USH2A: variants seen among roughly 807,000 people sequenced by gnomAD.
USH2A encodes the protein Usher syndrome 2A (autosomal recessive, mild).
A neutral mutation model predicts 538.9 loss-of-function variants in USH2A; 443 were observed. The observed-to-expected ratio is 0.82, with a 90% confidence interval of 0.76 to 0.89. USH2A has a LOEUF of 0.89. Among genes scored for constraint, USH2A ranks in the 40% least tolerant of loss-of-function variants. The pLI is 0.00. For synonymous variants in USH2A, 2,413 were observed against 2,273.5 expected (o/e 1.06, Z -1.75); for missense variants, 6,633 against 6,324.8 (o/e 1.05, Z -1.65).
chr1:215,658,518 G>C (rs2102651022), intron 64 of USH2A, among the ~76,000 whole-genome samples: 1 of 152,242 alleles, frequency 6.6e-6, no homozygotes, highest in Non-Finnish European at 1.5e-5. Context: ...TTCCAATACA[G>C]ATATGTGACA....
At chr1:216,350,618 C>T (rs529074600) in intron 4 of USH2A, among the ~76,000 whole-genome samples, 195 of 152,262 alleles carry the variant, frequency 1.3e-3, no homozygotes, top group African/African-American at 4.6e-3. Flanking sequence ...TTTGACTCCA[C>T]GTCTCATATC....
chr1:216,286,946 C>T (rs370583398), intron 11 of USH2A, among the ~76,000 whole-genome samples: 24 of 151,942 alleles, frequency 1.6e-4, no homozygotes, highest in African/African-American at 1.9e-4. Context: ...ATTCATTTTA[C>T]GAGAGTATTA....
At chr1:216,026,525 A>T (rs1003424571) in intron 32 of USH2A, among the ~76,000 whole-genome samples, 8 of 152,148 alleles carry the variant, frequency 5.3e-5, no homozygotes, top group African/African-American at 1.9e-4. Context: ...TCTTAGGTCA[A>T]CTACTGTGTC....
chr1:216,419,317 G>A (rs770627410), intron 2 of USH2A, among the ~76,000 whole-genome samples: 5 of 152,082 alleles, frequency 3.3e-5, no homozygotes, highest in Admixed American at 1.3e-4. Context: ...GAGGTGAAAG[G>A]TCCTTCAGCC....
chr1:215,956,035 T>C (rs1478403427), intron 37 of USH2A, among the ~76,000 whole-genome samples: 3 of 152,142 alleles, frequency 2.0e-5, no homozygotes, highest in Non-Finnish European at 4.4e-5. Flanking sequence ...GCTAGATTTT[T>C]TTTCTATTTC....
At chr1:215,680,887 TATATCTTACG>T (rs1423006091) in intron 61 of USH2A, among the ~76,000 whole-genome samples, 2 of 152,072 alleles carry the variant, frequency 1.3e-5, no homozygotes, top group Non-Finnish European at 2.9e-5. Flanking sequence ...GGCATGTATA[TATATCTTACG>T]AATTCAATAA....
intron 3 of USH2A, among the ~76,000 whole-genome samples, chr1:216,408,810 G>GCTAC (rs1188903280): frequency 6.6e-6 from 1 of 152,158 alleles, no homozygotes; most frequent in Non-Finnish European, 1.5e-5. Flanking sequence ...TACTAAGAGA[G>GCTAC]CTACTATGTG....
rs77392635 is a variant in USH2A at position 215,741,613 on chromosome 1, A to T, written c.11549-76T>A. 14 of 1,508,810 alleles carry T rather than the reference A, an allele frequency of 9.3e-6. No homozygotes were observed. The East Asian group carries it at 3.2e-4, about 34-fold the overall frequency. 93.5% of individuals were successfully genotyped at this position (1,508,810 alleles called of 1,614,324 possible). On this transcript the variant is annotated intron_variant, in intron 59 of 71. Coordinates refer to ENST00000307340, the MANE Select transcript of USH2A (RefSeq NM_206933.4). ...AACTACATATTCATACAGAAGGGTAATGATATCATGAAAATTATTTTAACC... is the reference window on the plus strand; with the variant it reads ...AACTACATATTCATACAGAAGGGTATTGATATCATGAAAATTATTTTAACC...
At chr1:215,806,602 T>C (rs1307201235) in intron 49 of USH2A, among the ~76,000 whole-genome samples, 1 of 152,092 alleles carries the variant, frequency 6.6e-6, no homozygotes, top group Non-Finnish European at 1.5e-5. Flanking sequence ...ATTTAATAAC[T>C]TGGTCCATTG....
intron 15 of USH2A, among the ~76,000 whole-genome samples, chr1:216,208,189 C>T (rs929221477): frequency 2.0e-5 from 3 of 151,510 alleles, no homozygotes; most frequent in Admixed American, 6.6e-5. Flanking sequence ...TTTTTTTTCA[C>T]CAGAATACGC....
intron 32 of USH2A, among the ~76,000 whole-genome samples, chr1:216,034,413 G>A (rs1392632792): frequency 6.6e-6 from 1 of 152,146 alleles, no homozygotes; most frequent in African/African-American, 2.4e-5. Flanking sequence ...GTCAATGGAG[G>A]TGTAGTGGAT....
At position 215,820,978 on chromosome 1, in the gene USH2A, T is replaced by C. The variant is rs561714089; in HGVS notation, c.9372-3783A>G. Reference sequence around the variant, plus strand: ...GTGTATATGTACCACATTTTCTTTATCCATTCATTCATGATGGGCACTTAG... The same window carrying C: ...GTGTATATGTACCACATTTTCTTTACCCATTCATTCATGATGGGCACTTAG... On this transcript the variant is annotated intron_variant, in intron 47 of 71. Transcript: ENST00000307340. Among the ~76,000 whole-genome samples, 21 of 151,964 alleles carry C rather than the reference T, an allele frequency of 1.4e-4. 1 individual carries two copies. In the South Asian group the frequency reaches 4.4e-3, roughly 32 times the overall value.
chr1:216,138,104 T>C (rs1195736112), intron 21 of USH2A, among the ~76,000 whole-genome samples: 1 of 152,194 alleles, frequency 6.6e-6, no homozygotes, highest in Non-Finnish European at 1.5e-5. Context: ...TGTATTGGAA[T>C]TAGATTGTTA....
chr1:215,747,347 T>C (rs1349560185), intron 58 of USH2A, among the ~76,000 whole-genome samples: 7 of 152,216 alleles, frequency 4.6e-5, no homozygotes, highest in Admixed American at 4.6e-4. Context: ...AAAATAACTT[T>C]ATTTTTCTCT....
chr1:215,995,962 A>G (rs939208850), intron 34 of USH2A, among the ~76,000 whole-genome samples: 3 of 152,090 alleles, frequency 2.0e-5, no homozygotes, highest in African/African-American at 7.2e-5. Flanking sequence ...CCCAGGCTGG[A>G]GTGCAGTGGC....
chr1:216,200,053 T>C lies in USH2A; in HGVS notation c.3385A>G (p.Asn1129Asp). ...ACACTCCTTGTTGAACCATGCACAT[T>C]GGTGGTCTCAATGTAATAGGAATAT... ...TKYSYYIETTNVHGSTRSVAV... is the reference protein window; with the variant it reads ...TKYSYYIETTDVHGSTRSVAV... Residue 1129 changes from asparagine to aspartate, a missense_variant, in exon 17 of 72, where the codon AAT (asparagine) becomes GAT (aspartate). Coordinates refer to ENST00000307340, the MANE Select transcript of USH2A (RefSeq NM_206933.4). The C allele has an allele frequency of 6.2e-7, 1 of 1,613,818 alleles. No individual in the cohort carries two copies. The highest frequency in any genetic ancestry group is 8.5e-7 in the Non-Finnish European group (1 of 1,179,920).
At chr1:216,009,548 A>C (rs990181105) in intron 32 of USH2A, among the ~76,000 whole-genome samples, 33 of 152,192 alleles carry the variant, frequency 2.2e-4, no homozygotes, top group Non-Finnish European at 5.9e-5. Context: ...CTCTGTGCCC[A>C]GTGCAACTCG....
chr1:216,122,140 C>T (rs1224339353), intron 21 of USH2A, among the ~76,000 whole-genome samples: 1 of 152,088 alleles, frequency 6.6e-6, no homozygotes, highest in Non-Finnish European at 1.5e-5. Flanking sequence ...GTAAAGCTGT[C>T]TAGAATAGCA....
At chr1:216,139,852 T>C (rs1015872093) in intron 21 of USH2A, among the ~76,000 whole-genome samples, 2 of 152,306 alleles carry the variant, frequency 1.3e-5, no homozygotes, top group African/African-American at 2.4e-5. Context: ...TATATTTGTA[T>C]TGCCTCCATC....
Sources: allele counts gnomAD v4.1 joint callset (sites outside exome capture counted in the v4.1 genomes callset), GRCh38; gene constraint gnomAD v4.1.1; transcripts MANE v1.5; gene names NCBI Gene and HGNC (gene_info 2026-07-23, HGNC 2026-07-21).